PRKN: variants seen among roughly 807,000 people sequenced by gnomAD.
The protein encoded by PRKN is parkin RBR E3 ubiquitin protein ligase, also known as E3 ubiquitin-protein ligase parkin.
A neutral mutation model predicts 59.5 loss-of-function variants in PRKN; 56 were observed. That is an observed-to-expected ratio of 0.94 (90% CI 0.76 to 1.18). The LOEUF is 1.18. Ranked by LOEUF, PRKN falls within the 50% of genes most tolerant of loss-of-function variation. The probability of loss-of-function intolerance (pLI) is 0.00; values close to 1 mark genes in which losing one functional copy is unlikely to be tolerated. For synonymous variants in PRKN, 250 were observed against 222.1 expected, an observed-to-expected ratio of 1.13 and a Z score of -1.12; for missense variants, 657 against 596.4, an observed-to-expected ratio of 1.10 and a Z score of -1.06.
intron 7 of PRKN, among the ~76,000 whole-genome samples, chr6:161,741,613 GC>G (rs1303299865): frequency 2.6e-5 from 4 of 152,212 alleles, no homozygotes; most frequent in South Asian, 4.2e-4. Flanking sequence ...CCCAGTATCA[GC>G]CCCATGGATG....
At chr6:162,236,808 AAGAG>A (rs904159821) in intron 3 of PRKN, among the ~76,000 whole-genome samples, 122 of 151,162 alleles carry the variant, frequency 8.1e-4, no homozygotes, top group African/African-American at 2.9e-3. Flanking sequence ...AAAAGAAAGA[AAGAG>A]AGAGAGAGGG....
At chr6:162,727,538 C>T in intron 1 of PRKN, 124 bp downstream of exon 1, 2 of 1,109,456 alleles carry the variant, frequency 1.8e-6, no homozygotes, top group Non-Finnish European at 2.6e-6. Context: ...GGGGACGGCA[C>T]GGGCACTTTG....
chr6:161,480,233 G>A lies in PRKN; in HGVS notation c.1083+68621C>T, dbSNP rs1363751841. On this transcript the variant is annotated intron_variant, in intron 9 of 11. Transcript: ENST00000366898. This position sits in a 1 kb window ranked among gnomAD's most constrained non-coding sequence, Gnocchi z 4.1. ...GCCCAGTGCAAAACAAAGACACAGA[G>A]CCCCTTCTTCAAAAATGATTTAGCA... 6.6e-6 allele frequency among the ~76,000 whole-genome samples: 1 copy of A among 152,132 alleles called. No homozygotes were observed. The highest frequency in any genetic ancestry group is 1.5e-5 in the Non-Finnish European group (1 of 68,026).
intron 7 of PRKN, among the ~76,000 whole-genome samples, chr6:161,614,783 T>C (rs1369686644): frequency 6.6e-6 from 1 of 152,204 alleles, no homozygotes; most frequent in African/African-American, 2.4e-5. Flanking sequence ...TCAAACAAAA[T>C]CTTCGCTTAA....
rs71544920 is a variant in PRKN, at chr6:161,858,858, C to CTT, written c.735-72952_735-72951dup. Among the ~76,000 whole-genome samples the CTT allele has an allele frequency of 1.9e-4, 14 of 71,944 alleles. 1 individual carries two copies. Among genetic ancestry groups the CTT allele is most frequent in the African/African-American group, 3.5e-4 (7 of 19,864 alleles). 47.2% of individuals were successfully genotyped at this position (71,944 alleles called of 152,430 possible). A position where few individuals can be genotyped will look rare whatever the true frequency, so the allele number is the denominator to read the frequency against. On this transcript the variant is annotated intron_variant, in intron 6 of 11. Transcript: ENST00000366898. ...CTTTCAATTAACTAGCACAGCTGTA[C>CTT]TTTTTTTTTTTTTTTTTTTTGAGAC... is the stretch of plus-strand genomic sequence containing the variant.
chr6:162,326,769 C>T (rs7776148), intron 2 of PRKN, among the ~76,000 whole-genome samples: 80,639 of 151,880 alleles, frequency 0.53, 21,831 homozygotes, highest in Middle Eastern at 0.6. Context: ...GAAAATAACA[C>T]TAGCATAGAT....
At chr6:162,726,866 T>G (rs928331816) in intron 1 of PRKN, among the ~76,000 whole-genome samples, 1 of 152,174 alleles carries the variant, frequency 6.6e-6, no homozygotes, top group African/African-American at 2.4e-5. Context: ...TTTTCAGGGA[T>G]AGCCCCTAAA....
chr6:161,818,913 C>A (rs909391023), intron 6 of PRKN, among the ~76,000 whole-genome samples: 3 of 152,042 alleles, frequency 2.0e-5, no homozygotes, highest in African/African-American at 7.2e-5. Flanking sequence ...CAGACGGAGT[C>A]AGTGGACAGG....
rs1470964031 is a variant in PRKN at position 162,010,327 on chromosome 6, A to C, written c.619-36910T>G. ...ATTATATATATTTTATATATTTATAATATATAATATATAAATAATATACAT... is the reference window on the plus strand; with the variant it reads ...ATTATATATATTTTATATATTTATACTATATAATATATAAATAATATACAT... On this transcript the variant is annotated intron_variant, in intron 5 of 11. Transcript: ENST00000366898. Among the ~76,000 whole-genome samples, 6 of 123,424 alleles carry C rather than the reference A, an allele frequency of 4.9e-5. No homozygotes were observed. The South Asian group carries it at 1.4e-3, about 28-fold the overall frequency. The allele number at this position is 123,424 out of a possible 152,430, so 81.0% of individuals were successfully genotyped here.
Position 161,598,656 on chromosome 6 carries a change from G to A in PRKN, c.872-29240C>T, listed in dbSNP as rs888997410. 2.6e-5 allele frequency among the ~76,000 whole-genome samples: 4 copies of A among 152,118 alleles called. No individual in the cohort carries two copies. The East Asian group carries it at 5.8e-4, about 22-fold the overall frequency. The stretch of plus-strand genomic sequence containing the variant: ...GCTAGTTTATCATAAGCATCCACTC[G>A]ATGGAATGTGTTTTTCTTCCTTCAA... On this transcript the variant is annotated intron_variant, in intron 7 of 11. Transcript: ENST00000366898.
intron 6 of PRKN, among the ~76,000 whole-genome samples, chr6:161,822,101 C>A (rs1325299714): frequency 7.2e-6 from 1 of 139,784 alleles, no homozygotes; most frequent in African/African-American, 2.7e-5. Context: ...GAGCTCAGAC[C>A]ATTTGCTGTT....
chr6:162,125,861 C>G (rs1242241945), intron 4 of PRKN, among the ~76,000 whole-genome samples: 1 of 152,172 alleles, frequency 6.6e-6, no homozygotes, highest in Non-Finnish European at 1.5e-5. Flanking sequence ...AGGTTTGTGA[C>G]TCCGTTACAG....
intron 2 of PRKN, among the ~76,000 whole-genome samples, chr6:162,326,544 C>A (rs1277396934): frequency 6.6e-6 from 1 of 152,206 alleles, no homozygotes; most frequent in African/African-American, 2.4e-5. Flanking sequence ...ACTAATACTT[C>A]AAGAGATTAG....
At position 162,727,707 on chromosome 6, in the gene PRKN, C is replaced by A. The variant is rs371617209; in HGVS notation, c.-39G>T. The A allele has an allele frequency of 4.2e-5, 65 of 1,558,076 alleles. No individual in the cohort carries two copies. The East Asian group carries it at 7.8e-4, about 19-fold the overall frequency. On this transcript the variant is annotated 5_prime_UTR_variant, in exon 1 of 12. Transcript: ENST00000366898. ...GTGGCGGCTGCGGGCCAGGAACAGGCCCATGCGCGCAGCGGCGCCAGCCGC... is the reference window on the plus strand; with the variant it reads ...GTGGCGGCTGCGGGCCAGGAACAGGACCATGCGCGCAGCGGCGCCAGCCGC...
chr6:162,390,584 G>A (rs1174811597), intron 2 of PRKN, among the ~76,000 whole-genome samples: 1 of 151,762 alleles, frequency 6.6e-6, no homozygotes, highest in Non-Finnish European at 1.5e-5. Flanking sequence ...TAGGACTATA[G>A]ATGCCCCCAC....
intron 1 of PRKN, among the ~76,000 whole-genome samples, chr6:162,645,994 C>T (rs1177635787): frequency 6.6e-6 from 1 of 151,582 alleles, no homozygotes; most frequent in African/African-American, 2.4e-5. Flanking sequence ...CCTGCCTCAG[C>T]CTCCCCAGTA....
At chr6:161,411,012 G>C (rs1411500785) in intron 9 of PRKN, among the ~76,000 whole-genome samples, 1 of 152,114 alleles carries the variant, frequency 6.6e-6, no homozygotes, top group East Asian at 1.9e-4. Context: ...CCCTGTAGTA[G>C]ATTTTATTTT....
At chr6:162,630,756 G>A (rs536446725) in intron 1 of PRKN, among the ~76,000 whole-genome samples, 32 of 152,190 alleles carry the variant, frequency 2.1e-4, no homozygotes, top group Middle Eastern at 3.4e-3. Flanking sequence ...AATGTAATCA[G>A]ATATCAATAC....
At chr6:161,501,301 T>C (rs1777955055) in intron 9 of PRKN, among the ~76,000 whole-genome samples, 1 of 152,224 alleles carries the variant, frequency 6.6e-6, no homozygotes, top group South Asian at 2.1e-4. Flanking sequence ...ATCCATGTTT[T>C]GGGTTTTGGC....
Sources: allele counts gnomAD v4.1 joint callset (sites outside exome capture counted in the v4.1 genomes callset), GRCh38; gene constraint gnomAD v4.1.1; non-coding constraint Gnocchi (gnomAD v3.1); transcripts MANE v1.5; gene names NCBI Gene and HGNC (gene_info 2026-07-23, HGNC 2026-07-21).